HMBOX1: variants seen among roughly 807,000 people sequenced by gnomAD.
HMBOX1 encodes the protein homeobox-containing protein 1.
HMBOX1 carries 14 observed loss-of-function variants against 54.5 expected under a neutral mutation model. The ratio of observed to expected loss-of-function variants is 0.26; its 90% confidence interval spans 0.17 to 0.40. The LOEUF (loss-of-function observed/expected upper bound fraction) is 0.40. HMBOX1 is among the 10% of genes least tolerant of loss of function. HMBOX1 has a pLI of 1.00. For missense variants in HMBOX1, 332 were observed against 514.4 expected, an observed-to-expected ratio of 0.65 and a Z score of 3.43; for synonymous variants, 160 against 181.0, an observed-to-expected ratio of 0.88 and a Z score of 0.93.
intron 1 of HMBOX1, among the ~76,000 whole-genome samples, chr8:28,955,098 T>G (rs1824175665): frequency 6.6e-6 from 1 of 152,220 alleles, no homozygotes; most frequent in Admixed American, 6.5e-5. Flanking sequence ...CTTTGGTAAT[T>G]CAGAGTTCAT....
intron 6 of HMBOX1, among the ~76,000 whole-genome samples, chr8:29,034,598 C>T (rs1379264290): frequency 6.6e-6 from 1 of 152,226 alleles, no homozygotes; most frequent in East Asian, 1.9e-4. Flanking sequence ...TGGCTCACAC[C>T]TGTATCCAGC....
At chr8:29,001,595 A>G (rs893962377) in intron 4 of HMBOX1, among the ~76,000 whole-genome samples, 19 of 146,430 alleles carry the variant, frequency 1.3e-4, no homozygotes, top group African/African-American at 4.8e-4. Context: ...AAACAAAACA[A>G]GACATTTAGG....
At chr8:28,906,137 A>C (rs749977843) in intron 1 of HMBOX1, among the ~76,000 whole-genome samples, 45 of 152,214 alleles carry the variant, frequency 3.0e-4, no homozygotes, top group Non-Finnish European at 5.6e-4. Flanking sequence ...GGGAAATCTA[A>C]CCTGAATGGA....
At chr8:28,939,379 G>A (rs1050784059) in intron 1 of HMBOX1, among the ~76,000 whole-genome samples, 1 of 152,000 alleles carries the variant, frequency 6.6e-6, no homozygotes, top group Non-Finnish European at 1.5e-5. Context: ...GGATGTAGCA[G>A]TTCTTCTATT....
intron 4 of HMBOX1, among the ~76,000 whole-genome samples, chr8:28,984,337 A>C (rs1208330314): frequency 1.3e-5 from 2 of 152,230 alleles, no homozygotes; most frequent in African/African-American, 4.8e-5. Context: ...AAAAATGAGA[A>C]CGAGTGGTGC....
intron 1 of HMBOX1, among the ~76,000 whole-genome samples, chr8:28,893,042 G>T (rs924213681): frequency 1.3e-5 from 2 of 152,158 alleles, no homozygotes; most frequent in Non-Finnish European, 2.9e-5. Context: ...AAAAACACGA[G>T]TGTTTTCTCT....
chr8:28,901,386 A>G (rs1035459151), intron 1 of HMBOX1, among the ~76,000 whole-genome samples: 3 of 152,122 alleles, frequency 2.0e-5, no homozygotes, highest in African/African-American at 7.2e-5. Context: ...TCTGGTCTTG[A>G]AGTTCCTAGA....
chr8:28,935,650 C>CA (rs1012644831), intron 1 of HMBOX1, among the ~76,000 whole-genome samples: 2 of 151,626 alleles, frequency 1.3e-5, no homozygotes, highest in African/African-American at 2.4e-5. Context: ...AGAGAGAAAC[C>CA]AAAAAACATG....
In HMBOX1 at chr8:29,051,241, A is replaced by G; in HGVS notation, c.*86A>G. On this transcript the variant is annotated 3_prime_UTR_variant, in exon 10 of 10. Coordinates refer to ENST00000287701, the MANE Select transcript of HMBOX1 (RefSeq NM_001135726.3). ...CTCGGTCCTTAACATGTGTTCTTAC[A>G]GTATAACTTGCAGTTTCTTGTATGT... The G allele has an allele frequency of 6.9e-7, 1 of 1,450,678 alleles. No individual in the cohort carries two copies. Among genetic ancestry groups the G allele is most frequent in the Non-Finnish European group, 9.4e-7 (1 of 1,059,274 alleles). 89.9% of individuals were successfully genotyped at this position (1,450,678 alleles called of 1,614,324 possible). A position where few individuals can be genotyped will look rare whatever the true frequency, so the allele number is the denominator to read the frequency against.
chr8:29,030,965 C>T (rs1446865097), intron 6 of HMBOX1, among the ~76,000 whole-genome samples: 1 of 152,176 alleles, frequency 6.6e-6, no homozygotes, highest in African/African-American at 2.4e-5. Flanking sequence ...TGTTCACCTA[C>T]CTTTTTATCA....
At chr8:28,915,025 A>G (rs1252337117) in intron 1 of HMBOX1, among the ~76,000 whole-genome samples, 1 of 152,212 alleles carries the variant, frequency 6.6e-6, no homozygotes, top group African/African-American at 2.4e-5. Context: ...ATTTGTTTAT[A>G]TATCACAAAA....
chr8:28,966,196 A>G (rs1826408736), intron 2 of HMBOX1, among the ~76,000 whole-genome samples: 1 of 152,216 alleles, frequency 6.6e-6, no homozygotes, highest in Non-Finnish European at 1.5e-5. Flanking sequence ...GCCTTATCCA[A>G]GAAGGGTTTA....
chr8:29,051,514 C>G lies in HMBOX1; in HGVS notation c.*359C>G. ...GTAAAATCTTGGGTACCTTTAGATT[C>G]TTGTAACACTAGTCTGTACTCCCTT... On this transcript the variant is annotated 3_prime_UTR_variant, in exon 10 of 10. Transcript: ENST00000287701. The G allele has an allele frequency of 4.3e-6, 3 of 702,870 alleles. No homozygotes were observed. Among genetic ancestry groups the G allele is most frequent in the East Asian group, 2.7e-5 (1 of 37,296 alleles). 43.5% of individuals were successfully genotyped at this position (702,870 alleles called of 1,614,324 possible).
chr8:28,971,351 A>G (rs1216040952), intron 3 of HMBOX1, among the ~76,000 whole-genome samples: 1 of 152,134 alleles, frequency 6.6e-6, no homozygotes, highest in Admixed American at 6.5e-5. Context: ...TCGGCCTCCC[A>G]AAGTGCTGGG....
At chr8:28,917,098 T>TAATATATACCAA (rs1195551141) in intron 1 of HMBOX1, among the ~76,000 whole-genome samples, 14 of 151,940 alleles carry the variant, frequency 9.2e-5, no homozygotes, top group Non-Finnish European at 1.6e-4. Flanking sequence ...ATTACCTTGT[T>TAATATATACCAA]AATATATACC....
chr8:28,919,722 C>A (rs1166822401), intron 1 of HMBOX1, among the ~76,000 whole-genome samples: 1 of 152,168 alleles, frequency 6.6e-6, no homozygotes, highest in East Asian at 1.9e-4. Context: ...AATACCCACA[C>A]ACATTTTTAT....
chr8:29,014,298 AAC>A (rs1834674040), intron 5 of HMBOX1, among the ~76,000 whole-genome samples: 1 of 152,202 alleles, frequency 6.6e-6, no homozygotes, highest in South Asian at 2.1e-4. Context: ...GGAAATAGAC[AAC>A]ACACTTTTCC....
At chr8:29,028,767 T>G (rs1177243790) in intron 6 of HMBOX1, among the ~76,000 whole-genome samples, 1 of 152,192 alleles carries the variant, frequency 6.6e-6, no homozygotes, top group African/African-American at 2.4e-5. Flanking sequence ...TTCATATGTG[T>G]AAATAATGAC....
At chr8:28,963,993 G>A in intron 2 of HMBOX1, 103 bp downstream of exon 2, 1 of 849,078 alleles carries the variant, frequency 1.2e-6, no homozygotes, top group South Asian at 1.7e-5. Flanking sequence ...CGTTTGTAGA[G>A]TTGAAAAGCT....
Sources: allele counts gnomAD v4.1 joint callset (sites outside exome capture counted in the v4.1 genomes callset), GRCh38; gene constraint gnomAD v4.1.1; transcripts MANE v1.5; gene names NCBI Gene and HGNC (gene_info 2026-07-23, HGNC 2026-07-21).